Variants in NPAS3 observed in about 807,000 individuals in gnomAD.
The protein encoded by NPAS3 is neuronal PAS domain-containing protein 3.
In NPAS3, 14 loss-of-function variants were observed where a neutral mutation model predicts 73.1. The ratio of observed to expected loss-of-function variants is 0.19; its 90% CI spans 0.13 to 0.30. The LOEUF is 0.30. NPAS3 is among the 10% of genes least tolerant of loss of function. The probability of loss-of-function intolerance (pLI) is 1.00; values close to 1 mark genes in which losing one functional copy is unlikely to be tolerated. For missense variants in NPAS3, 1,096 were observed against 1,250.0 expected (o/e 0.88, Z 1.86); for synonymous variants, 620 against 541.5 (o/e 1.14, Z -2.01).
At chr14:33,206,908 C>T (rs2046841309) in intron 2 of NPAS3, among the ~76,000 whole-genome samples, 1 of 152,114 alleles carries the variant, frequency 6.6e-6, no homozygotes, top group Non-Finnish European at 1.5e-5. Flanking sequence ...CAGAGATGCT[C>T]TGACCCTTTC....
chr14:32,973,259 G>A (rs1450891791), intron 1 of NPAS3, among the ~76,000 whole-genome samples: 1 of 152,084 alleles, frequency 6.6e-6, no homozygotes, highest in East Asian at 1.9e-4. Context: ...ACAAGGAGTG[G>A]GGTAGTATGG....
At chr14:32,944,634 T>C (rs759669943) in intron 1 of NPAS3, among the ~76,000 whole-genome samples, 2 of 152,148 alleles carry the variant, frequency 1.3e-5, no homozygotes, top group Non-Finnish European at 1.5e-5. Context: ...TGAGCCTCAT[T>C]AGTGTGAATA....
intron 1 of NPAS3, among the ~76,000 whole-genome samples, chr14:32,995,681 T>C (rs2139516107): frequency 6.6e-6 from 1 of 152,320 alleles, no homozygotes; most frequent in African/African-American, 2.4e-5. Context: ...TGTACAGGCT[T>C]TCTCTTTTCC....
intron 5 of NPAS3, among the ~76,000 whole-genome samples, chr14:33,643,326 C>T (rs1013850332): frequency 1.4e-5 from 2 of 137,970 alleles, no homozygotes; most frequent in Non-Finnish European, 3.0e-5. Context: ...TGCTGTAAAA[C>T]ACCAACACCC....
chr14:33,533,190 A>G (rs1471777747), intron 4 of NPAS3, among the ~76,000 whole-genome samples: 1 of 152,192 alleles, frequency 6.6e-6, no homozygotes, highest in Non-Finnish European at 1.5e-5. Context: ...AACTATGTAC[A>G]ACAAAAGATA....
intron 1 of NPAS3, among the ~76,000 whole-genome samples, chr14:32,971,877 G>A (rs763923734): frequency 6.6e-6 from 1 of 150,790 alleles, no homozygotes; most frequent in Non-Finnish European, 1.5e-5. Flanking sequence ...ATTAAGATAG[G>A]TTAAAGTCTT....
At chr14:33,295,605 C>G (rs1594623979) in intron 3 of NPAS3, among the ~76,000 whole-genome samples, 1 of 152,312 alleles carries the variant, frequency 6.6e-6, no homozygotes, top group East Asian at 1.9e-4. Context: ...CTAGGTAAAG[C>G]ATATAGATTG....
intron 4 of NPAS3, among the ~76,000 whole-genome samples, chr14:33,484,315 G>A (rs929316191): frequency 4.6e-5 from 7 of 152,062 alleles, no homozygotes; most frequent in East Asian, 3.9e-4. Context: ...TTCTAGCCCC[G>A]GAGACTGCAT....
chr14:33,178,909 G>C (rs928914056), intron 2 of NPAS3, among the ~76,000 whole-genome samples: 3 of 152,182 alleles, frequency 2.0e-5, no homozygotes, highest in Non-Finnish European at 4.4e-5. Flanking sequence ...TTAGGAGAAA[G>C]CTTTCAGTCT....
chr14:33,393,006 A>G (rs561159417), intron 4 of NPAS3, among the ~76,000 whole-genome samples: 2 of 152,014 alleles, frequency 1.3e-5, no homozygotes, highest in African/African-American at 4.8e-5. Context: ...TACCCCCATG[A>G]CCCTCTTTTG....
chr14:33,350,460 G>GC (rs1430079353), intron 3 of NPAS3, among the ~76,000 whole-genome samples: 2 of 152,074 alleles, frequency 1.3e-5, no homozygotes, highest in Non-Finnish European at 2.9e-5. Context: ...CATACAGACT[G>GC]CCCCCCTACC....
chr14:33,294,771 C>T (rs1187044764), intron 3 of NPAS3, among the ~76,000 whole-genome samples: 3 of 152,198 alleles, frequency 2.0e-5, no homozygotes, highest in South Asian at 2.1e-4. Context: ...TTATGTTGGG[C>T]CTTAAAAGAT....
chr14:33,303,283 G>A (rs952016598), intron 3 of NPAS3, among the ~76,000 whole-genome samples: 21 of 151,788 alleles, frequency 1.4e-4, no homozygotes, highest in Non-Finnish European at 2.8e-4. Flanking sequence ...TATGTAAAAG[G>A]ACAGCCAATT....
Position 33,482,526 on chromosome 14 carries a change from A to T in NPAS3, c.469-77595A>T, listed in dbSNP as rs139787749. On this transcript the variant is annotated intron_variant, in intron 4 of 11. Coordinates refer to ENST00000356141, the Ensembl canonical transcript of NPAS3. Reference sequence around the variant, plus strand: ...GAAGTTGAAACGTGGTGGAGATAGGAGATGACATTTCAGAAGGGGAGTGGA... The same window carrying T: ...GAAGTTGAAACGTGGTGGAGATAGGTGATGACATTTCAGAAGGGGAGTGGA... 7.9e-5 allele frequency among the ~76,000 whole-genome samples: 12 copies of T among 152,290 alleles called. No individual in the cohort carries two copies. The East Asian group carries it at 1.9e-3, about 24-fold the overall frequency.
chr14:33,728,173 C>T (rs557959280), intron 6 of NPAS3, among the ~76,000 whole-genome samples: 14 of 152,286 alleles, frequency 9.2e-5, no homozygotes, highest in South Asian at 2.1e-4. Flanking sequence ...CAAGTAGTAA[C>T]CCCTGCCAGG....
At chr14:33,491,697 A>G (rs1462240039) in intron 4 of NPAS3, among the ~76,000 whole-genome samples, 1 of 152,180 alleles carries the variant, frequency 6.6e-6, no homozygotes, top group Non-Finnish European at 1.5e-5. Context: ...TAGAAAGTAC[A>G]GTAATATGTT....
chr14:33,220,799 T>G (rs539501582), intron 3 of NPAS3, among the ~76,000 whole-genome samples: 7 of 152,366 alleles, frequency 4.6e-5, no homozygotes, highest in Middle Eastern at 6.8e-3. Context: ...TGCATGCCAC[T>G]GTTCAAGAGT....
rs573067029 is a variant in NPAS3 at position 33,631,770 on chromosome 14, A to G, written c.559-44441A>G. ...CTTTTAATGTTGGTCTTCCACTGATATATTTATTGTATTGCATATTACAGT... is the reference window on the plus strand; with the variant it reads ...CTTTTAATGTTGGTCTTCCACTGATGTATTTATTGTATTGCATATTACAGT... On this transcript the variant is annotated intron_variant, in intron 5 of 11. Coordinates refer to ENST00000356141, the Ensembl canonical transcript of NPAS3. 3.3e-5 allele frequency among the ~76,000 whole-genome samples: 5 copies of G among 152,196 alleles called. No individual in the cohort carries two copies. The South Asian group carries it at 1.0e-3, about 32-fold the overall frequency.
intron 3 of NPAS3, among the ~76,000 whole-genome samples, chr14:33,290,853 G>A (rs1278050901): frequency 6.6e-6 from 1 of 152,192 alleles, no homozygotes; most frequent in Non-Finnish European, 1.5e-5. Context: ...TAATCCCTTT[G>A]TAATACAGTA....
Sources: gnomAD v4.1 joint callset for allele counts (sites outside exome capture counted in the v4.1 genomes callset) on GRCh38, gnomAD v4.1.1 for gene constraint, MANE v1.5 for transcripts, NCBI Gene and HGNC (gene_info 2026-07-23, HGNC 2026-07-21) for gene names.